The following AGMO variants were observed in gnomAD, a reference collection of about 807,000 sequenced individuals.
The protein encoded by AGMO is glyceryl-ether monooxygenase.
In AGMO, 75 loss-of-function variants were observed where a neutral mutation model predicts 60.2. That is an observed-to-expected ratio of 1.25 (90% confidence interval 1.03 to 1.51). AGMO has a LOEUF of 1.51. Ranked by LOEUF, AGMO falls within the 40% of genes most tolerant of loss-of-function variation. The pLI, the probability that AGMO is intolerant of heterozygous loss-of-function variation, is 0.00. For synonymous variants in AGMO, 261 were observed against 177.1 expected, an observed-to-expected ratio of 1.47 and a Z score of -3.76; for missense variants, 763 against 525.5, an observed-to-expected ratio of 1.45 and a Z score of -4.42.
chr7:15,240,870 T>C (rs552294346), intron 12 of AGMO, among the ~76,000 whole-genome samples: 2 of 152,310 alleles, frequency 1.3e-5, no homozygotes, highest in South Asian at 2.1e-4. Flanking sequence ...GATTTTTTTT[T>C]CCAATATGAG....
chr7:15,190,308 T>C, the AGMO span, among the ~76,000 whole-genome samples: 1 of 150,644 alleles, frequency 6.6e-6, no homozygotes, highest in South Asian at 2.1e-4. Context: ...AGGAACTACC[T>C]GAGATTCTTT....
At chr7:15,395,325 T>TA (rs1562484974) in intron 5 of AGMO, among the ~76,000 whole-genome samples, 3 of 151,988 alleles carry the variant, frequency 2.0e-5, no homozygotes, top group African/African-American at 7.3e-5. Context: ...CGGGAAGAAA[T>TA]AGAGATAAGA....
the AGMO span, among the ~76,000 whole-genome samples, chr7:15,125,012 TA>T: frequency 1.3e-5 from 2 of 151,784 alleles, no homozygotes; most frequent in South Asian, 2.1e-4. Flanking sequence ...TGTGAACATA[TA>T]AAAAAAGGGA....
intron 3 of AGMO, among the ~76,000 whole-genome samples, chr7:15,485,266 G>A (rs139168446): frequency 1.2e-4 from 18 of 151,630 alleles, no homozygotes; most frequent in African/African-American, 3.6e-4. Flanking sequence ...GCAGTGAGCC[G>A]AGATCATGCC....
the AGMO span, among the ~76,000 whole-genome samples, chr7:15,187,594 A>G: frequency 6.6e-6 from 1 of 152,140 alleles, no homozygotes; most frequent in East Asian, 1.9e-4. Context: ...CCTCTCCGGT[A>G]CCACCCCTTC....
At chr7:15,353,997 A>G (rs1008166082) in intron 12 of AGMO, among the ~76,000 whole-genome samples, 2 of 152,158 alleles carry the variant, frequency 1.3e-5, no homozygotes, top group African/African-American at 2.4e-5. Flanking sequence ...GATAGTTTGC[A>G]ATTTACTGTG....
intron 12 of AGMO, among the ~76,000 whole-genome samples, chr7:15,288,634 A>G (rs1455152177): frequency 1.3e-5 from 2 of 152,078 alleles, no homozygotes; most frequent in African/African-American, 4.8e-5. Flanking sequence ...ACAAATCTGC[A>G]AATTTCTTAT....
At chr7:15,302,503 A>G (rs937572632) in intron 12 of AGMO, among the ~76,000 whole-genome samples, 1 of 152,178 alleles carries the variant, frequency 6.6e-6, no homozygotes, top group Non-Finnish European at 1.5e-5. Flanking sequence ...CTTAATAAGA[A>G]CAAACTTCAA....
intron 2 of AGMO, among the ~76,000 whole-genome samples, chr7:15,554,080 A>C (rs1785058082): frequency 6.6e-6 from 1 of 152,152 alleles, no homozygotes. Flanking sequence ...TAACCAATAC[A>C]GCTGGGAAAT....
At chr7:15,379,887 T>A (rs1168763325) in intron 10 of AGMO, among the ~76,000 whole-genome samples, 2 of 152,094 alleles carry the variant, frequency 1.3e-5, no homozygotes, top group Non-Finnish European at 2.9e-5. Flanking sequence ...ATTCATTACG[T>A]TAACAGAACT....
intron 10 of AGMO, among the ~76,000 whole-genome samples, chr7:15,382,504 A>C (rs1317735085): frequency 6.6e-6 from 1 of 152,176 alleles, no homozygotes; most frequent in African/African-American, 2.4e-5. Flanking sequence ...CGCTCAGAAG[A>C]AATGTGTCTC....
At chr7:15,388,806 A>G (rs1784027015) in intron 8 of AGMO, among the ~76,000 whole-genome samples, 1 of 152,216 alleles carries the variant, frequency 6.6e-6, no homozygotes, top group South Asian at 2.1e-4. Flanking sequence ...TCTAAGTTCA[A>G]GTATTCCTAA....
chr7:15,457,340 G>A (rs1312547840), intron 3 of AGMO, among the ~76,000 whole-genome samples: 1 of 152,098 alleles, frequency 6.6e-6, no homozygotes, highest in East Asian at 1.9e-4. Flanking sequence ...CTATCCTGCA[G>A]TAAAGAAACA....
chr7:15,138,550 T>C, the AGMO span, among the ~76,000 whole-genome samples: 1 of 152,168 alleles, frequency 6.6e-6, no homozygotes, highest in African/African-American at 2.4e-5. Flanking sequence ...TGCCCAAAAA[T>C]ACATAAAATA....
At chr7:15,456,775 T>C (rs1362923588) in intron 3 of AGMO, among the ~76,000 whole-genome samples, 1 of 152,174 alleles carries the variant, frequency 6.6e-6, no homozygotes, top group Non-Finnish European at 1.5e-5. Flanking sequence ...ATCTTTCACC[T>C]TGGCTCTGTG....
chr7:15,430,932 T>TTTTTTTTTTTG, intron 4 of AGMO, 73 bp downstream of exon 4: 1 of 786,916 alleles, frequency 1.3e-6, no homozygotes, highest in South Asian at 2.8e-5. Flanking sequence ...TTTTTTTTTT[T>TTTTTTTTTTTG]TGAGGAAATA....
At chr7:15,335,249 A>T (rs1210777459) in intron 12 of AGMO, among the ~76,000 whole-genome samples, 2 of 152,108 alleles carry the variant, frequency 1.3e-5, no homozygotes, top group Non-Finnish European at 2.9e-5. Context: ...TCATGCATTT[A>T]GCTATTGTTA....
chr7:15,315,740 T>C (rs562123279), intron 12 of AGMO, among the ~76,000 whole-genome samples: 3 of 152,262 alleles, frequency 2.0e-5, no homozygotes, highest in Non-Finnish European at 4.4e-5. Context: ...TCTGGTTGCA[T>C]AACTATACCT....
intron 10 of AGMO, among the ~76,000 whole-genome samples, chr7:15,376,847 A>T (rs955780997): frequency 6.6e-6 from 1 of 152,066 alleles, no homozygotes; most frequent in East Asian, 1.9e-4. Flanking sequence ...CATATCACTA[A>T]ACTAAACACT....
Sources: allele counts gnomAD v4.1 joint callset (sites outside exome capture counted in the v4.1 genomes callset), GRCh38; gene constraint gnomAD v4.1.1; transcripts MANE v1.5; gene names NCBI Gene and HGNC (gene_info 2026-07-23, HGNC 2026-07-21).